The following FAM184A variants were observed in gnomAD, a reference collection of about 807,000 sequenced individuals.
FAM184A encodes the protein family with sequence similarity 184 member A.
Under a neutral mutation model 143.8 loss-of-function variants are expected in FAM184A, and 99 were observed. The ratio of observed to expected loss-of-function variants is 0.69; its 90% CI spans 0.58 to 0.81. The LOEUF (loss-of-function observed/expected upper bound fraction) is 0.81. FAM184A is among the 40% of genes least tolerant of loss of function. The probability of loss-of-function intolerance (pLI) is 0.00; values close to 1 mark genes in which losing one functional copy is unlikely to be tolerated. For missense variants in FAM184A, 1,217 were observed against 1,310.5 expected (o/e 0.93, Z 1.10); for synonymous variants, 427 against 446.4 (o/e 0.96, Z 0.55).
chr6:118,977,308 G>A (rs1489961878), intron 11 of FAM184A, among the ~76,000 whole-genome samples: 1 of 152,186 alleles, frequency 6.6e-6, no homozygotes, highest in Non-Finnish European at 1.5e-5. Flanking sequence ...ATTGTTGGGT[G>A]TGGTGGTTCA....
rs1787948854 is a variant in FAM184A, at chr6:119,078,231, C to G, written c.69G>C (p.Ser23=). ...GCCCAGCCAGCTGTGCGGTGGCCGGCGAGGGCGCGAATTTGGCCGCCGAGC... is the reference window on the plus strand; with the variant it reads ...GCCCAGCCAGCTGTGCGGTGGCCGGGGAGGGCGCGAATTTGGCCGCCGAGC... ...YGGSAAKFAP[S]PATAQLAGHS... Residue 23 remains serine, a synonymous_variant, in exon 1 of 18, where the codon TCG becomes TCC. Transcript: ENST00000338891. This position sits in a 1 kb window ranked among gnomAD's most constrained non-coding sequence, Gnocchi z 5.5. 1.3e-6 allele frequency: 2 copies of G among 1,536,450 alleles called. No homozygotes were observed. The highest frequency in any genetic ancestry group is 2.8e-5 in the African/African-American group (2 of 72,354).
chr6:119,133,297 TATTATAA>T (rs1789583226), intron 1 of FAM184A, among the ~76,000 whole-genome samples: 2 of 152,318 alleles, frequency 1.3e-5, no homozygotes, highest in South Asian at 4.1e-4. Flanking sequence ...TTTACTAGTT[TATTATAA>T]ATTATATTAA....
Position 118,974,577 on chromosome 6 carries a change from GTTTGA to G in FAM184A, c.2769-8_2769-4del, listed in dbSNP as rs1468212822. The G allele has an allele frequency of 3.2e-6, 5 of 1,582,072 alleles. No homozygotes were observed. The highest frequency in any genetic ancestry group is 4.3e-6 in the Non-Finnish European group (5 of 1,166,740). On this transcript the variant is annotated splice_polypyrimidine_tract_variant and splice_region_variant and intron_variant, in intron 13 of 17. Coordinates refer to ENST00000338891, the MANE Select transcript of FAM184A (RefSeq NM_024581.6). ...TGTTTAAATCTTGTTCATGCAACCT[GTTTGA>G]TTTATTTTTAGTTAAGAAAATGTTA...
At chr6:119,071,892 G>A (rs1429940516) in intron 1 of FAM184A, among the ~76,000 whole-genome samples, 1 of 120,252 alleles carries the variant, frequency 8.3e-6, no homozygotes, top group East Asian at 2.8e-4. Flanking sequence ...TTGAGATAGA[G>A]TCTTGCTCTG....
chr6:118,979,998 T>C, intron 10 of FAM184A, 140 bp downstream of exon 10: 1 of 650,866 alleles, frequency 1.5e-6, no homozygotes, highest in Non-Finnish European at 2.7e-6. Context: ...CAGTGAGCCA[T>C]GATTGTGCTG....
intron 1 of FAM184A, among the ~76,000 whole-genome samples, chr6:119,076,100 G>A (rs931661632): frequency 2.8e-4 from 42 of 152,040 alleles, no homozygotes; most frequent in Non-Finnish European, 1.3e-4. Context: ...CATGTTTATT[G>A]TCATGACTGG....
intron 1 of FAM184A, among the ~76,000 whole-genome samples, chr6:119,045,291 ATT>A (rs3058653): frequency 1.3e-4 from 19 of 143,262 alleles, no homozygotes; most frequent in African/African-American, 4.1e-4. Context: ...CAGTTTCTCA[ATT>A]TTTTTTTTTT....
At chr6:118,987,412 A>G (rs995184941) in intron 9 of FAM184A, among the ~76,000 whole-genome samples, 6 of 152,200 alleles carry the variant, frequency 3.9e-5, no homozygotes, top group African/African-American at 1.4e-4. Context: ...CAAGTTGAGT[A>G]TGGGTTTGGT....
intron 9 of FAM184A, among the ~76,000 whole-genome samples, chr6:119,001,661 C>T (rs13219598): frequency 0.14 from 21,342 of 152,106 alleles, 1,569 homozygotes; most frequent in Non-Finnish European, 0.17. Context: ...GATAGAAAAT[C>T]GGCAGGAGAA....
At chr6:119,109,078 T>C (rs1788864142) in intron 1 of FAM184A, among the ~76,000 whole-genome samples, 1 of 145,836 alleles carries the variant, frequency 6.9e-6, no homozygotes, top group South Asian at 2.1e-4. Context: ...AAATTATCCC[T>C]ATTCCTATCT....
At position 119,019,983 on chromosome 6, in the gene FAM184A, C is replaced by G. The variant is rs770470250; in HGVS notation, c.1327G>C (p.Glu443Gln). The G allele has an allele frequency of 2.6e-6, 4 of 1,563,342 alleles. No homozygotes were observed. The South Asian group carries it at 3.7e-5, about 14-fold the overall frequency. ...EEQKQQILEL[E>Q]KKVNEAKRTQ... ...GAGTGTCCATTACTTTTTACCTTCT[C>G]CAGTTCTAGAATCTGTTGCTTCTGC... The change falls in exon 4 of 18, where the codon GAG (glutamate) becomes CAG (glutamine). Residue 443 changes from glutamate to glutamine, a missense_variant. Transcript: ENST00000338891.
At chr6:119,103,787 C>A (rs1788704695) in intron 1 of FAM184A, among the ~76,000 whole-genome samples, 1 of 151,764 alleles carries the variant, frequency 6.6e-6, no homozygotes, top group African/African-American at 2.4e-5. Context: ...ATTAGCCAGG[C>A]ATGGTGGCAC....
At chr6:119,011,138 T>C (rs1785075688) in intron 6 of FAM184A, 171 bp downstream of exon 6, 1 of 546,786 alleles carries the variant, frequency 1.8e-6, no homozygotes, top group Non-Finnish European at 3.1e-6. Context: ...TTTTACCTGG[T>C]GGAACATAAT....
At chr6:119,059,571 G>C (rs185833340) in intron 1 of FAM184A, among the ~76,000 whole-genome samples, 4 of 152,110 alleles carry the variant, frequency 2.6e-5, no homozygotes, top group Non-Finnish European at 5.9e-5. Context: ...TGTTTTAAAA[G>C]CTTCTTTCTT....
intron 4 of FAM184A, among the ~76,000 whole-genome samples, chr6:119,018,033 A>G (rs1562475620): frequency 6.6e-6 from 1 of 152,254 alleles, no homozygotes; most frequent in African/African-American, 2.4e-5. Context: ...CACGGACCGC[A>G]GAACTGCAAG....
chr6:119,039,629 A>T (rs1256681430), intron 1 of FAM184A, among the ~76,000 whole-genome samples: 1 of 152,164 alleles, frequency 6.6e-6, no homozygotes, highest in Non-Finnish European at 1.5e-5. Context: ...GAGAGGGAGG[A>T]AGGAATAGGC....
Position 119,057,973 on chromosome 6 carries a change from A to C in FAM184A, c.159+20168T>G, listed in dbSNP as rs1489911025. The stretch of plus-strand genomic sequence containing the variant: ...CCCCCGCTCCTAAATGACTGGCTTT[A>C]AAAAAAAAAAAAAAAAACTTTGTGG... On this transcript the variant is annotated intron_variant, in intron 1 of 17. Coordinates refer to ENST00000338891, the MANE Select transcript of FAM184A (RefSeq NM_024581.6). 324 of 38,696 alleles carry C rather than the reference A, an allele frequency of 8.4e-3. 2 individuals carry two copies. Among genetic ancestry groups the C allele is most frequent in the African/African-American group, 0.017 (307 of 17,984 alleles). 2.4% of individuals were successfully genotyped at this position (38,696 alleles called of 1,614,324 possible).
intron 9 of FAM184A, among the ~76,000 whole-genome samples, chr6:118,987,183 T>C (rs1784221895): frequency 6.6e-6 from 1 of 152,208 alleles, no homozygotes. Flanking sequence ...TTTTTGTAAA[T>C]TGTTACTGGA....
At chr6:119,130,140 A>G (rs992324701) in intron 1 of FAM184A, among the ~76,000 whole-genome samples, 3 of 152,158 alleles carry the variant, frequency 2.0e-5, no homozygotes, top group Admixed American at 1.3e-4. Context: ...AATATGAGTC[A>G]TATATTTTTC....
Sources: allele counts gnomAD v4.1 joint callset (sites outside exome capture counted in the v4.1 genomes callset), GRCh38; gene constraint gnomAD v4.1.1; non-coding constraint Gnocchi (gnomAD v3.1); transcripts MANE v1.5; gene names NCBI Gene and HGNC (gene_info 2026-07-23, HGNC 2026-07-21).